CCDC93: variants seen among roughly 807,000 people sequenced by gnomAD.
The protein encoded by CCDC93 is coiled-coil domain-containing protein 93.
A neutral mutation model predicts 108.2 loss-of-function variants in CCDC93; 61 were observed. That is an observed-to-expected ratio of 0.56 (90% CI 0.46 to 0.70). CCDC93 has a LOEUF of 0.70. Ranked by LOEUF, CCDC93 falls within the 30% of genes least tolerant of loss-of-function variation. The probability of loss-of-function intolerance (pLI) is 0.00; values close to 1 mark genes in which losing one functional copy is unlikely to be tolerated. For synonymous variants in CCDC93, 276 were observed against 260.4 expected (o/e 1.06, Z -0.58); for missense variants, 685 against 764.2 (o/e 0.90, Z 1.22).
chr2:117,917,108 C>G lies in CCDC93; in HGVS notation c.*3235G>C, dbSNP rs187542851. 3.3e-5 allele frequency: 5 copies of G among 150,092 alleles called. 1 individual carries two copies. In the East Asian group the frequency reaches 9.7e-4, roughly 29 times the overall value. The allele number at this position is 150,092 out of a possible 1,614,324, so 9.3% of individuals were successfully genotyped here. ...AGTGGTCAGGCTCAAAGTAACTGTG[C>G]TACTGCTAGATACCTACCTCCCTTT... On this transcript the variant is annotated 3_prime_UTR_variant, in exon 24 of 24. Transcript: ENST00000376300.
chr2:117,984,327 T>C (rs959842808), intron 7 of CCDC93, among the ~76,000 whole-genome samples: 2 of 152,202 alleles, frequency 1.3e-5, no homozygotes, highest in Non-Finnish European at 2.9e-5. Context: ...AAGACACTGC[T>C]CTTTCTCACT....
intron 13 of CCDC93, chr2:117,951,020 A>G (rs892238231): frequency 1.0e-6 from 1 of 983,558 alleles, no homozygotes; most frequent in Non-Finnish European, 1.2e-6. Context: ...TTTCTATAAC[A>G]TGAAAAGGGC....
rs1298253000 is a variant in CCDC93 at position 118,006,633 on chromosome 2, A to T, written c.251+89T>A. 8.0e-6 allele frequency: 6 copies of T among 748,194 alleles called. No homozygotes were observed. In the African/African-American group the frequency reaches 1.1e-4, roughly 13 times the overall value. 46.3% of individuals were successfully genotyped at this position (748,194 alleles called of 1,614,324 possible). On this transcript the variant is annotated intron_variant, in intron 3 of 23. Transcript: ENST00000376300. ...TAATAAAAGTTAAAATAAACTATGT[A>T]AAGTGTCCAACCAACTTCTGGCACA... is the stretch of plus-strand genomic sequence containing the variant.
intron 11 of CCDC93, among the ~76,000 whole-genome samples, chr2:117,973,662 C>T (rs1679838016): frequency 1.3e-5 from 2 of 152,158 alleles, no homozygotes; most frequent in South Asian, 2.1e-4. Context: ...GTGATAACTG[C>T]TCTGTGAGAC....
At chr2:117,980,380 T>G (rs1214146054) in intron 7 of CCDC93, among the ~76,000 whole-genome samples, 1 of 152,242 alleles carries the variant, frequency 6.6e-6, no homozygotes, top group Non-Finnish European at 1.5e-5. Context: ...GCCTTTAGTC[T>G]GTGGAGACTT....
At chr2:117,980,357 T>G (rs1680078892) in intron 7 of CCDC93, among the ~76,000 whole-genome samples, 1 of 152,250 alleles carries the variant, frequency 6.6e-6, no homozygotes, top group African/African-American at 2.4e-5. Context: ...AGTATTCATC[T>G]TTCCTTTTTT....
intron 10 of CCDC93, among the ~76,000 whole-genome samples, chr2:117,974,360 A>G (rs185189339): frequency 6.6e-6 from 1 of 152,282 alleles, no homozygotes; most frequent in African/African-American, 2.4e-5. Flanking sequence ...AGAGCATGGG[A>G]AAGGACAAAG....
chr2:117,920,547 C>A, intron 23 of CCDC93, 151 bp from the exon 24 acceptor site: 1 of 497,854 alleles, frequency 2.0e-6, no homozygotes, highest in Non-Finnish European at 3.7e-6. Context: ...GATGGTGAAG[C>A]TTCCTGATGA....
chr2:117,936,718 G>C lies in CCDC93; in HGVS notation c.1627C>G (p.His543Asp), dbSNP rs751467046. The C allele has an allele frequency of 6.2e-7, 1 of 1,613,538 alleles. No individual in the cohort carries two copies. Among genetic ancestry groups the C allele is most frequent in the Non-Finnish European group, 8.5e-7 (1 of 1,179,430 alleles). Residue 543 changes from histidine to aspartate, a missense_variant, in exon 21 of 24, where the codon CAT becomes GAT. Physicochemically the swap from His to Asp is moderately conservative, Grantham distance 81. Coordinates refer to ENST00000376300, the MANE Select transcript of CCDC93 (RefSeq NM_019044.5). The part of the protein sequence containing the change: ...EKEISLLNSI[H>D]ENFSQAMASP... ...AGTACTTACTGTGAGAAGTTCTCATGAATTGAGTTCAGCAGACTAATCTGG... is the reference window on the plus strand; with the variant it reads ...AGTACTTACTGTGAGAAGTTCTCATCAATTGAGTTCAGCAGACTAATCTGG...
chr2:117,941,443 G>A (rs1231778961), intron 18 of CCDC93, 146 bp from the exon 19 acceptor site: 1 of 631,294 alleles, frequency 1.6e-6, no homozygotes, highest in Non-Finnish European at 2.8e-6. Context: ...TGGGCTTAAA[G>A]GTCCCCATCT....
chr2:117,982,978 T>G (rs531152892), intron 7 of CCDC93, among the ~76,000 whole-genome samples: 1 of 152,332 alleles, frequency 6.6e-6, no homozygotes, highest in East Asian at 1.9e-4. Context: ...CACCCTAATA[T>G]GCTGAATAAC....
chr2:117,923,302 C>T (rs939894883), intron 23 of CCDC93, among the ~76,000 whole-genome samples: 8 of 152,098 alleles, frequency 5.3e-5, no homozygotes, highest in Admixed American at 3.9e-4. Context: ...CAGCGTTAGC[C>T]GAGGCAGGGT....
chr2:117,993,438 CAA>C (rs35648657), intron 6 of CCDC93, among the ~76,000 whole-genome samples: 1 of 141,998 alleles, frequency 7.0e-6, no homozygotes. Flanking sequence ...CTTTTGTTAC[CAA>C]AAAAAAAAAC....
At position 117,919,446 on chromosome 2, in the gene CCDC93, C is replaced by T. The variant is rs1237571867; in HGVS notation, c.*897G>A. 6.6e-6 allele frequency: 1 copy of T among 152,276 alleles called. No homozygotes were observed. The highest frequency in any genetic ancestry group is 2.4e-5 in the African/African-American group (1 of 41,454). The allele number at this position is 152,276 out of a possible 1,614,324, so 9.4% of individuals were successfully genotyped here. A position where few individuals can be genotyped will look rare whatever the true frequency, so the allele number is the denominator to read the frequency against. The stretch of plus-strand genomic sequence containing the variant: ...CAAACCCTACTGCTCTTCCTCCTGA[C>T]ACCCTACTTGCCTTGAGTGCAGGGA... On this transcript the variant is annotated 3_prime_UTR_variant, in exon 24 of 24. Transcript: ENST00000376300.
intron 11 of CCDC93, among the ~76,000 whole-genome samples, chr2:117,965,715 G>A (rs2104767752): frequency 6.6e-6 from 1 of 152,178 alleles, no homozygotes; most frequent in South Asian, 2.1e-4. Context: ...CTTACTGGAA[G>A]CCCCTCAGGG....
In CCDC93 at chr2:117,961,167, T is replaced by C. The variant is rs116271763; in HGVS notation, c.889-2686A>G. ...TTTATGTAACACCGAGAGGGAAAAG[T>C]TCTTTCTCATTCTGCTCTTTTACTA... is the stretch of plus-strand genomic sequence containing the variant. On this transcript the variant is annotated intron_variant, in intron 11 of 23. Transcript: ENST00000376300. Among the ~76,000 whole-genome samples, 1,003 of 151,796 alleles carry C rather than the reference T, an allele frequency of 6.6e-3. 5 individuals are homozygous for C. Among genetic ancestry groups the C allele is most frequent in the Non-Finnish European group, 0.011 (777 of 67,890 alleles).
rs1029610319 is a variant in CCDC93, at chr2:117,917,812, G to A, written c.*2531C>T. ...CAGAGCAGTCCCATGTACTCCATAA[G>A]AAGCAAGAAGTGGGAGGGAGCCCCC... On this transcript the variant is annotated 3_prime_UTR_variant, in exon 24 of 24. Coordinates refer to ENST00000376300, the MANE Select transcript of CCDC93 (RefSeq NM_019044.5). The A allele has an allele frequency of 3.9e-5, 6 of 152,444 alleles. No homozygotes were observed. Among genetic ancestry groups the A allele is most frequent in the South Asian group, 4.1e-4 (2 of 4,826 alleles). 9.4% of individuals were successfully genotyped at this position (152,444 alleles called of 1,614,324 possible).
intron 18 of CCDC93, 25 bp downstream of exon 18, chr2:117,943,999 A>G: frequency 6.6e-7 from 1 of 1,523,814 alleles, no homozygotes; most frequent in Non-Finnish European, 9.0e-7. Flanking sequence ...GCATTTATGC[A>G]TATTTTTGTC....
chr2:117,926,034 C>A (rs770780631), intron 23 of CCDC93, among the ~76,000 whole-genome samples: 1 of 151,926 alleles, frequency 6.6e-6, no homozygotes, highest in African/African-American at 2.4e-5. Flanking sequence ...TACATAACGA[C>A]ATGAAGGTAG....
Sources: allele counts gnomAD v4.1 joint callset (sites outside exome capture counted in the v4.1 genomes callset), GRCh38; gene constraint gnomAD v4.1.1; transcripts MANE v1.5; gene names NCBI Gene and HGNC (gene_info 2026-07-23, HGNC 2026-07-21).